Variants in SLC7A11 observed in about 807,000 individuals in gnomAD.
The protein encoded by SLC7A11 is solute carrier family 7 member 11.
SLC7A11 carries 35 observed loss-of-function variants against 54.5 expected under a neutral mutation model. The observed-to-expected ratio is 0.64, with a 90% CI of 0.49 to 0.85. SLC7A11 has a LOEUF of 0.85. Among genes scored for constraint, SLC7A11 ranks in the 40% least tolerant of loss-of-function variants. The probability of loss-of-function intolerance (pLI) is 0.00; values close to 1 mark genes in which losing one functional copy is unlikely to be tolerated. For synonymous variants in SLC7A11, 230 were observed against 225.2 expected, an observed-to-expected ratio of 1.02 and a Z score of -0.19; for missense variants, 583 against 618.1, an observed-to-expected ratio of 0.94 and a Z score of 0.60.
Position 138,170,300 on chromosome 4 carries a change from A to ATACG in SLC7A11, c.*1655_*1656insCGTA, listed in dbSNP as rs1736393558. The ATACG allele has an allele frequency of 4.4e-5, 5 of 112,556 alleles. No homozygotes were observed. The highest frequency in any genetic ancestry group is 1.6e-4 in the African/African-American group (5 of 31,378). 7.0% of individuals were successfully genotyped at this position (112,556 alleles called of 1,614,324 possible). ...CACACACACACACACACACATACAC[A>ATACG]CACATATATATATATATATAATCTT... On this transcript the variant is annotated 3_prime_UTR_variant, in exon 12 of 12. Coordinates refer to ENST00000280612, the MANE Select transcript of SLC7A11 (RefSeq NM_014331.4).
chr4:138,173,160 T>C (rs901722011), intron 11 of SLC7A11, among the ~76,000 whole-genome samples: 12 of 152,226 alleles, frequency 7.9e-5, no homozygotes, highest in Admixed American at 1.3e-4. Flanking sequence ...TTCTTATCTT[T>C]GTAATGAATT....
At chr4:138,206,891 A>G (rs773528035) in intron 6 of SLC7A11, among the ~76,000 whole-genome samples, 14 of 149,568 alleles carry the variant, frequency 9.4e-5, no homozygotes, top group Non-Finnish European at 1.9e-4. Context: ...CCAAATACCG[A>G]TCTTTTGTCT....
Position 138,224,239 on chromosome 4 carries a change from C to T in SLC7A11, c.521-915G>A, listed in dbSNP as rs115027732. 1.8e-3 allele frequency among the ~76,000 whole-genome samples: 276 copies of T among 152,192 alleles called. 2 individuals carry two copies. The highest frequency in any genetic ancestry group is 6.1e-3 in the African/African-American group (254 of 41,532). The stretch of plus-strand genomic sequence containing the variant: ...ATGGTGATGCTCTAAGACCTTTCTC[C>T]CCTACTCTGCTGGGATGACTGAGGT... On this transcript the variant is annotated intron_variant, in intron 3 of 11. Coordinates refer to ENST00000280612, the MANE Select transcript of SLC7A11 (RefSeq NM_014331.4).
chr4:138,179,124 C>G, intron 11 of SLC7A11, 93 bp downstream of exon 11: 1 of 833,618 alleles, frequency 1.2e-6, no homozygotes, highest in Non-Finnish European at 1.9e-6. Context: ...GTGCCACTTA[C>G]ATTTTTAAAT....
At chr4:138,222,348 A>G (rs1257526815) in intron 4 of SLC7A11, among the ~76,000 whole-genome samples, 1 of 152,238 alleles carries the variant, frequency 6.6e-6, no homozygotes, top group Non-Finnish European at 1.5e-5. Context: ...AAATTTCTCT[A>G]GATTCCCTTT....
intron 5 of SLC7A11, among the ~76,000 whole-genome samples, chr4:138,216,702 G>C (rs1737689741): frequency 1.3e-5 from 2 of 152,160 alleles, no homozygotes; most frequent in Non-Finnish European, 2.9e-5. Context: ...AGGTCTCCAG[G>C]ACAACAATGG....
At position 138,183,287 on chromosome 4, in the gene SLC7A11, G is replaced by C. The variant is rs1736792173; in HGVS notation, c.934C>G (p.Leu312Val). The part of the protein sequence containing the change: ...AVAVTFSERL[L>V]GNFSLAVPIF... The stretch of plus-strand genomic sequence containing the variant: ...GGAACTGCTAATGAGAAATTTCCCA[G>C]TAGCCGCTCAGAAAAGGTCTAGTGA... Residue 312 changes from leucine (L) to valine (V), a missense_variant, in exon 8 of 12, where the codon CTG (leucine) becomes GTG (valine). Coordinates refer to ENST00000280612, the MANE Select transcript of SLC7A11 (RefSeq NM_014331.4). 1.2e-6 allele frequency: 2 copies of C among 1,610,482 alleles called. No homozygotes were observed. Among genetic ancestry groups the C allele is most frequent in the African/African-American group, 1.3e-5 (1 of 74,896 alleles).
intron 6 of SLC7A11, among the ~76,000 whole-genome samples, chr4:138,188,067 A>T (rs895166040): frequency 2.0e-5 from 3 of 152,070 alleles, no homozygotes; most frequent in East Asian, 3.9e-4. Flanking sequence ...TTTTAAAAAA[A>T]TTTTCTTTTT....
chr4:138,237,710 TATATATATATATATATATATATATATA>T lies in SLC7A11; in HGVS notation c.278-1286_278-1260del, dbSNP rs755669538. Among the ~76,000 whole-genome samples, 39 of 5,646 alleles carry T rather than the reference TATATATATATATATATATATATATATA, an allele frequency of 6.9e-3. 2 individuals carry two copies. In the East Asian group the frequency reaches 0.17, roughly 24 times the overall value. The allele number at this position is 5,646 out of a possible 152,430, so 3.7% of individuals were successfully genotyped here. A position where few individuals can be genotyped will look rare whatever the true frequency, so the allele number is the denominator to read the frequency against. ...ACTGCGCCTAGCCAGAATATATATA[TATATATATATATATATATATATATATA>T]TTTTTTTTTTTTTTTTTTTTTTTTT... On this transcript the variant is annotated intron_variant, in intron 1 of 11. Coordinates refer to ENST00000280612, the MANE Select transcript of SLC7A11 (RefSeq NM_014331.4).
intron 9 of SLC7A11, among the ~76,000 whole-genome samples, chr4:138,181,992 T>G (rs1560718963): frequency 6.6e-6 from 1 of 152,058 alleles, no homozygotes; most frequent in Non-Finnish European, 1.5e-5. Flanking sequence ...TACTCTACAT[T>G]CTTTTCTGTG....
intron 6 of SLC7A11, among the ~76,000 whole-genome samples, chr4:138,191,187 C>T (rs1334785694): frequency 6.6e-6 from 1 of 152,164 alleles, no homozygotes; most frequent in African/African-American, 2.4e-5. Context: ...TGGGCCAAGG[C>T]TGAACAAAGT....
chr4:138,206,426 C>T (rs1282278621), intron 6 of SLC7A11, among the ~76,000 whole-genome samples: 1 of 147,902 alleles, frequency 6.8e-6, no homozygotes, highest in Non-Finnish European at 1.5e-5. Context: ...ATATATATTG[C>T]CTCAAAATAT....
chr4:138,174,902 C>G (rs1196005161), intron 11 of SLC7A11: 1 of 152,144 alleles, frequency 6.6e-6, no homozygotes, highest in African/African-American at 2.4e-5. Flanking sequence ...ATTTGATTTA[C>G]CCAACCATAC....
chr4:138,212,590 T>G (rs769190616), intron 6 of SLC7A11, among the ~76,000 whole-genome samples: 4 of 151,760 alleles, frequency 2.6e-5, no homozygotes, highest in Non-Finnish European at 5.9e-5. Context: ...TTATCAGTAG[T>G]GTGCAACTAA....
intron 5 of SLC7A11, among the ~76,000 whole-genome samples, chr4:138,217,548 G>A (rs1415466732): frequency 1.3e-5 from 2 of 152,138 alleles, no homozygotes; most frequent in African/African-American, 4.8e-5. Context: ...TTAGTTCTGG[G>A]TATTAGAAAA....
At chr4:138,238,240 T>C (rs567256758) in intron 1 of SLC7A11, among the ~76,000 whole-genome samples, 10 of 152,002 alleles carry the variant, frequency 6.6e-5, no homozygotes, top group Admixed American at 2.6e-4. Flanking sequence ...CATAAAGGAG[T>C]TGTGTGTATA....
In SLC7A11 at chr4:138,170,751, A is replaced by G. The variant is rs1736405600; in HGVS notation, c.*1205T>C. 6.6e-6 allele frequency: 1 copy of G among 152,146 alleles called. No homozygotes were observed. 9.4% of individuals were successfully genotyped at this position (152,146 alleles called of 1,614,324 possible). A position where few individuals can be genotyped will look rare whatever the true frequency, so the allele number is the denominator to read the frequency against. On this transcript the variant is annotated 3_prime_UTR_variant, in exon 12 of 12. Transcript: ENST00000280612. The stretch of plus-strand genomic sequence containing the variant: ...TAATTAAGGTGTGGAAATTACTGAC[A>G]AAGCCTAGATATAGAAGTGGAAATT...
intron 6 of SLC7A11, among the ~76,000 whole-genome samples, chr4:138,200,740 T>C (rs1187458975): frequency 6.6e-6 from 1 of 152,160 alleles, no homozygotes; most frequent in Non-Finnish European, 1.5e-5. Flanking sequence ...CTCCTAACTC[T>C]AACATCACAG....
chr4:138,191,657 ATCTAT>A (rs1194324762), intron 6 of SLC7A11, among the ~76,000 whole-genome samples: 1 of 152,190 alleles, frequency 6.6e-6, no homozygotes, highest in African/African-American at 2.4e-5. Context: ...AAGCAGTTTT[ATCTAT>A]TCATTATTTT....
Sources: gnomAD v4.1 joint callset for allele counts (sites outside exome capture counted in the v4.1 genomes callset) on GRCh38, gnomAD v4.1.1 for gene constraint, MANE v1.5 for transcripts, NCBI Gene and HGNC (gene_info 2026-07-23, HGNC 2026-07-21) for gene names.